The following ITPKC variants were observed in gnomAD, a reference collection of about 807,000 sequenced individuals.
ITPKC encodes the protein IP3 3-kinase C.
In ITPKC, 33 loss-of-function variants were observed where a neutral mutation model predicts 67.1. That is an observed-to-expected ratio of 0.49 (90% CI 0.37 to 0.66). ITPKC has a LOEUF of 0.66. ITPKC is among the 30% of genes least tolerant of loss of function. The pLI is 0.00. For synonymous variants in ITPKC, 341 were observed against 359.8 expected (o/e 0.95, Z 0.59); for missense variants, 820 against 892.1 (o/e 0.92, Z 1.03).
intron 6 of ITPKC, 135 bp downstream of exon 6, chr19:40,737,904 A>G: frequency 1.6e-6 from 1 of 622,400 alleles, no homozygotes; most frequent in Middle Eastern, 4.5e-4. Context: ...TAATACCAGC[A>G]CTTTGGGAGG....
chr19:40,737,132 C>T (rs1374351032), intron 5 of ITPKC, 45 bp downstream of exon 5: 1 of 1,223,480 alleles, frequency 8.2e-7, no homozygotes, highest in African/African-American at 1.5e-5. Flanking sequence ...CTTAAGACAG[C>T]CACCATTTAT....
intron 4 of ITPKC, among the ~76,000 whole-genome samples, chr19:40,734,665 A>G (rs2082286583): frequency 6.6e-6 from 1 of 150,562 alleles, no homozygotes; most frequent in Non-Finnish European, 1.5e-5. Flanking sequence ...CTAGAGTGCC[A>G]TGGCACAGTC....
chr19:40,728,216 C>CTT (rs2082255031), intron 2 of ITPKC, among the ~76,000 whole-genome samples: 1 of 151,234 alleles, frequency 6.6e-6, no homozygotes, highest in Non-Finnish European at 1.5e-5. Flanking sequence ...CGACATTACA[C>CTT]ATTTTTTTTT....
chr19:40,718,128 C>G lies in ITPKC; in HGVS notation c.993C>G (p.Ile331Met), dbSNP rs1213567405. The G allele has an allele frequency of 6.2e-7, 1 of 1,611,004 alleles. No homozygotes were observed. Among genetic ancestry groups the G allele is most frequent in the African/African-American group, 1.3e-5 (1 of 75,032 alleles). Reference protein sequence around the residue: ...CSPLCPVPRLIITPETPEPEA... With the variant: ...CSPLCPVPRLMITPETPEPEA... ...CCCTGTGCCCTGTGCCCCGCCTCATCATTACCCCTGAGACCCCTGAGCCTG... is the reference window on the plus strand; with the variant it reads ...CCCTGTGCCCTGTGCCCCGCCTCATGATTACCCCTGAGACCCCTGAGCCTG... Residue 331 changes from isoleucine to methionine, a missense_variant, in exon 1 of 7, where the codon ATC becomes ATG. Physicochemically the swap from Ile to Met is conservative, Grantham distance 10. Coordinates refer to ENST00000263370, the MANE Select transcript of ITPKC (RefSeq NM_025194.3).
intron 1 of ITPKC, among the ~76,000 whole-genome samples, chr19:40,721,141 C>T (rs2082220319): frequency 6.6e-6 from 1 of 151,956 alleles, no homozygotes; most frequent in African/African-American, 2.4e-5. Context: ...GCTGGGGAAA[C>T]AGCAGTGACC....
chr19:40,730,573 A>G (rs2082266250), intron 3 of ITPKC, among the ~76,000 whole-genome samples: 1 of 151,964 alleles, frequency 6.6e-6, no homozygotes, highest in Non-Finnish European at 1.5e-5. Flanking sequence ...CTGGGACTAT[A>G]GGTATGTCCC....
At chr19:40,728,575 G>A (rs905721025) in intron 2 of ITPKC, among the ~76,000 whole-genome samples, 2 of 152,258 alleles carry the variant, frequency 1.3e-5, no homozygotes, top group South Asian at 2.1e-4. Flanking sequence ...GGAGAGTGAC[G>A]CTCTGGACTT....
In ITPKC at chr19:40,717,906, A is replaced by C; in HGVS notation, c.771A>C (p.Ala257=). The C allele has an allele frequency of 6.2e-7, 1 of 1,614,146 alleles. No individual in the cohort carries two copies. Among genetic ancestry groups the C allele is most frequent in the Non-Finnish European group, 8.5e-7 (1 of 1,179,998 alleles). ...CCCAGAAAAAACAGGATACTGAAGC[A>C]GCCAGGAAACAGCCTGGCACTGGTG... The part of the protein sequence containing the change: ...DGSQKKQDTE[A]ARKQPGTGGF... The change falls in exon 1 of 7, where the codon GCA becomes GCC. Residue 257 remains alanine, a synonymous_variant. Transcript: ENST00000263370.
At chr19:40,738,539 G>A (rs559430234) in intron 6 of ITPKC, among the ~76,000 whole-genome samples, 1 of 149,078 alleles carries the variant, frequency 6.7e-6, no homozygotes, top group Admixed American at 6.7e-5. Context: ...GCAACAGAGT[G>A]AGACTCTGTC....
In ITPKC at chr19:40,740,522, G is replaced by A; in HGVS notation, c.*962G>A. 4.7e-6 allele frequency: 1 copy of A among 212,390 alleles called. No homozygotes were observed. Among genetic ancestry groups the A allele is most frequent in the Non-Finnish European group, 9.4e-6 (1 of 106,652 alleles). The allele number at this position is 212,390 out of a possible 1,614,324, so 13.2% of individuals were successfully genotyped here. The stretch of plus-strand genomic sequence containing the variant: ...GGTGTGTGTCAGAGGCGCAGGGTGG[G>A]TGGGGCTGCCAGCCAGGACCCTGGC... On this transcript the variant is annotated 3_prime_UTR_variant, in exon 7 of 7. Transcript: ENST00000263370.
At chr19:40,723,754 C>T (rs143314567) in intron 1 of ITPKC, among the ~76,000 whole-genome samples, 1 of 152,300 alleles carries the variant, frequency 6.6e-6, no homozygotes, top group African/African-American at 2.4e-5. Flanking sequence ...ACCTCACCCT[C>T]CCGAAATGCT....
At chr19:40,737,141 A>C in intron 5 of ITPKC, 54 bp downstream of exon 5, 1 of 1,173,228 alleles carries the variant, frequency 8.5e-7, no homozygotes, top group Non-Finnish European at 1.2e-6. Flanking sequence ...GCCACCATTT[A>C]TTCTTGCTCC....
At position 40,739,830 on chromosome 19, in the gene ITPKC, G is replaced by A. The variant is rs190675206; in HGVS notation, c.*270G>A. The A allele has an allele frequency of 1.8e-4, 92 of 516,932 alleles. 1 individual carries two copies. The highest frequency in any genetic ancestry group is 1.1e-3 in the Middle Eastern group (2 of 1,892). 32.0% of individuals were successfully genotyped at this position (516,932 alleles called of 1,614,324 possible). ...CAGAAAAACCAGAACGGGGTCCCCG[G>A]ATCTGCCGGGAAGGCTTCTGAGGGG... On this transcript the variant is annotated 3_prime_UTR_variant, in exon 7 of 7. Transcript: ENST00000263370.
At chr19:40,719,200 C>T (rs1164860826) in intron 1 of ITPKC, among the ~76,000 whole-genome samples, 1 of 152,114 alleles carries the variant, frequency 6.6e-6, no homozygotes, top group Non-Finnish European at 1.5e-5. Context: ...CACATGCCTT[C>T]CTTGGGGACG....
At chr19:40,725,900 T>G in intron 2 of ITPKC, among the ~76,000 whole-genome samples, 1 of 151,866 alleles carries the variant, frequency 6.6e-6, no homozygotes, top group East Asian at 1.9e-4. Context: ...GCCCAGGAGT[T>G]TAAGACCAAC....
intron 1 of ITPKC, among the ~76,000 whole-genome samples, chr19:40,718,612 A>G (rs139486270): frequency 2.0e-4 from 31 of 152,122 alleles, no homozygotes; most frequent in African/African-American, 5.6e-4. Context: ...GCGTGTTCAC[A>G]TACATTGTTG....
Position 40,717,974 on chromosome 19 carries a change from C to G in ITPKC, c.839C>G (p.Pro280Arg). ...GATACTGATGGCTCCTGGACACAAC[C>G]TAGCACTGACGGTTCCCAGACAGCA... The part of the protein sequence containing the change: ...QQDTDGSWTQ[P>R]STDGSQTAPG... Residue 280 changes from proline to arginine, a missense_variant, in exon 1 of 7, where the codon CCT (proline) becomes CGT (arginine). By Grantham distance (103) the Pro-to-Arg change is moderately radical. Around this residue, in one of 2 missense-constraint regions of ITPKC, gnomAD observed 481 missense variants for 470.1 expected, o/e 1.02. Coordinates refer to ENST00000263370, the MANE Select transcript of ITPKC (RefSeq NM_025194.3). 1 of 1,614,208 alleles carries G rather than the reference C, an allele frequency of 6.2e-7. No individual in the cohort carries two copies. Among genetic ancestry groups the G allele is most frequent in the South Asian group, 1.1e-5 (1 of 91,084 alleles).
At chr19:40,732,661 G>A (rs2082277211) in intron 3 of ITPKC, among the ~76,000 whole-genome samples, 1 of 152,008 alleles carries the variant, frequency 6.6e-6, no homozygotes, top group Non-Finnish European at 1.5e-5. Flanking sequence ...TGACTTTCTG[G>A]GCTCAAGTGA....
Position 40,718,222 on chromosome 19 carries a change from T to G in ITPKC, c.1087T>G (p.Phe363Val), listed in dbSNP as rs766567652. ...CGGCGGCTTCTCCTCTGCCTCTTCT[T>G]TCGACGAGTCTGAGGATGACGTGGT... Reference protein sequence around the residue: ...GSGGFSSASSFDESEDDVVAG... With the variant: ...GSGGFSSASSVDESEDDVVAG... Residue 363 changes from phenylalanine to valine, a missense_variant, in exon 1 of 7, where the codon TTC becomes GTC. Coordinates refer to ENST00000263370, the MANE Select transcript of ITPKC (RefSeq NM_025194.3). The G allele has an allele frequency of 6.5e-7, 1 of 1,544,876 alleles. No homozygotes were observed. Among genetic ancestry groups the G allele is most frequent in the Non-Finnish European group, 8.7e-7 (1 of 1,151,230 alleles).
Sources: allele counts gnomAD v4.1 joint callset (sites outside exome capture counted in the v4.1 genomes callset), GRCh38; gene constraint gnomAD v4.1.1; regional missense constraint gnomAD v4.1.1; transcripts MANE v1.5; gene names NCBI Gene and HGNC (gene_info 2026-07-23, HGNC 2026-07-21).